SLC4A10: variants seen among roughly 807,000 people sequenced by gnomAD.
SLC4A10 encodes the protein solute carrier family 4 member 10.
A neutral mutation model predicts 137.7 loss-of-function variants in SLC4A10; 42 were observed. That is an observed-to-expected ratio of 0.30 (90% CI 0.24 to 0.39). The LOEUF is 0.39. Ranked by LOEUF, SLC4A10 falls within the 10% of genes least tolerant of loss-of-function variation. The pLI is 1.00. For missense variants in SLC4A10, 925 were observed against 1,355.0 expected, an observed-to-expected ratio of 0.68 and a Z score of 4.98; for synonymous variants, 474 against 464.1, an observed-to-expected ratio of 1.02 and a Z score of -0.27.
intron 23 of SLC4A10, among the ~76,000 whole-genome samples, chr2:161,968,162 T>A (rs1001201143): frequency 6.6e-6 from 1 of 152,218 alleles, no homozygotes; most frequent in Non-Finnish European, 1.5e-5. Flanking sequence ...AGATTCTCCT[T>A]TTATTTTCTG....
chr2:161,630,895 A>T (rs572026142), intron 1 of SLC4A10, among the ~76,000 whole-genome samples: 2 of 149,616 alleles, frequency 1.3e-5, no homozygotes, highest in African/African-American at 5.1e-5. Context: ...ATTTGAAAAT[A>T]TTTTTTTAGT....
intron 1 of SLC4A10, among the ~76,000 whole-genome samples, chr2:161,718,233 T>A (rs912156718): frequency 1.6e-4 from 24 of 152,274 alleles, no homozygotes; most frequent in East Asian, 3.9e-4. Flanking sequence ...ATTAATTTTT[T>A]AAAAAAATCA....
intron 15 of SLC4A10, among the ~76,000 whole-genome samples, chr2:161,924,480 C>T (rs1409728140): frequency 6.6e-6 from 1 of 151,966 alleles, no homozygotes; most frequent in Non-Finnish European, 1.5e-5. Context: ...TACATGATAT[C>T]TGTGATTTTA....
intron 16 of SLC4A10, among the ~76,000 whole-genome samples, 178 bp from the exon 17 acceptor site, chr2:161,947,388 C>T (rs1559601929): frequency 2.0e-5 from 3 of 152,074 alleles, no homozygotes; most frequent in African/African-American, 7.2e-5. Context: ...GCATATTTCT[C>T]ACCACCCATC....
intron 9 of SLC4A10, among the ~76,000 whole-genome samples, chr2:161,880,159 G>A (rs1001430855): frequency 2.0e-5 from 3 of 152,032 alleles, no homozygotes; most frequent in African/African-American, 7.2e-5. Context: ...AGCAAAACAT[G>A]TATATTTAGG....
At chr2:161,671,227 A>G (rs1298696969) in intron 1 of SLC4A10, among the ~76,000 whole-genome samples, 1 of 152,098 alleles carries the variant, frequency 6.6e-6, no homozygotes, top group Non-Finnish European at 1.5e-5. Flanking sequence ...CAACTCTTCC[A>G]CCATATGAGG....
At chr2:161,632,796 A>G (rs1042983027) in intron 1 of SLC4A10, among the ~76,000 whole-genome samples, 13 of 151,760 alleles carry the variant, frequency 8.6e-5, no homozygotes, top group African/African-American at 3.1e-4. Context: ...TGTACATTAA[A>G]GCTTGAGAAT....
intron 1 of SLC4A10, among the ~76,000 whole-genome samples, chr2:161,732,250 C>A (rs2046898894): frequency 6.6e-6 from 1 of 152,180 alleles, no homozygotes; most frequent in African/African-American, 2.4e-5. Flanking sequence ...GGGGGTGGAG[C>A]TGAAAGTCCA....
At chr2:161,794,288 A>G (rs2054525986) in intron 2 of SLC4A10, among the ~76,000 whole-genome samples, 1 of 152,338 alleles carries the variant, frequency 6.6e-6, no homozygotes, top group East Asian at 1.9e-4. Context: ...GCCAATAAAT[A>G]GGTTCTAGAT....
At chr2:161,628,016 G>A (rs2032789418) in intron 1 of SLC4A10, among the ~76,000 whole-genome samples, 1 of 152,062 alleles carries the variant, frequency 6.6e-6, no homozygotes, top group South Asian at 2.1e-4. Context: ...TTTTTGATAT[G>A]GATATATATG....
intron 3 of SLC4A10, among the ~76,000 whole-genome samples, chr2:161,807,338 AG>A (rs754344687): frequency 1.3e-5 from 2 of 152,162 alleles, no homozygotes; most frequent in Non-Finnish European, 2.9e-5. Flanking sequence ...AGTTGTTAAA[AG>A]GTTCTGAATG....
chr2:161,836,617 TGAAAGAAAA>T (rs1383514446), intron 3 of SLC4A10, among the ~76,000 whole-genome samples: 1 of 100,068 alleles, frequency 1.0e-5, no homozygotes, highest in South Asian at 3.2e-4. Context: ...AGGAAAGAAA[TGAAAGAAAA>T]GAAAGAAAAG....
At chr2:161,915,246 C>T (rs749081533) in intron 15 of SLC4A10, among the ~76,000 whole-genome samples, 38 of 152,164 alleles carry the variant, frequency 2.5e-4, no homozygotes, top group Non-Finnish European at 4.9e-4. Context: ...GCAACCTGCC[C>T]TTCCTGTCCC....
intron 1 of SLC4A10, among the ~76,000 whole-genome samples, chr2:161,692,978 A>G (rs1293174110): frequency 6.6e-6 from 1 of 151,884 alleles, no homozygotes; most frequent in African/African-American, 2.4e-5. Flanking sequence ...GCAGTTATTT[A>G]TTTTCAGGTT....
chr2:161,805,309 C>T (rs1346384836), intron 3 of SLC4A10, among the ~76,000 whole-genome samples: 5 of 152,176 alleles, frequency 3.3e-5, no homozygotes, highest in Non-Finnish European at 7.3e-5. Flanking sequence ...TGGGTGAGGA[C>T]ACAGCCAAAC....
intron 1 of SLC4A10, among the ~76,000 whole-genome samples, chr2:161,720,450 G>T (rs2045525298): frequency 6.6e-6 from 1 of 152,152 alleles, no homozygotes; most frequent in African/African-American, 2.4e-5. Flanking sequence ...TTGGTAGCTT[G>T]ATGGGGATGG....
rs79671930 is a variant in SLC4A10 at position 161,694,710 on chromosome 2, A to T, written c.48+70144A>T. ...AGTTGCTAGTTGGCTGAATTAATTTAAAACAGGCTTTAAACCTTAACCCAA... is the reference window on the plus strand; with the variant it reads ...AGTTGCTAGTTGGCTGAATTAATTTTAAACAGGCTTTAAACCTTAACCCAA... On this transcript the variant is annotated intron_variant, in intron 1 of 26. Transcript: ENST00000446997. Among the ~76,000 whole-genome samples, 153 of 152,176 alleles carry T rather than the reference A, an allele frequency of 1.0e-3. 3 individuals are homozygous for T. The East Asian group carries it at 0.022, about 22-fold the overall frequency.
At chr2:161,809,590 A>T (rs925709173) in intron 3 of SLC4A10, among the ~76,000 whole-genome samples, 2 of 152,116 alleles carry the variant, frequency 1.3e-5, no homozygotes, top group Admixed American at 6.6e-5. Flanking sequence ...ATTATTTTGC[A>T]TATGGCTTGA....
intron 7 of SLC4A10, among the ~76,000 whole-genome samples, chr2:161,873,159 C>G (rs62188769): frequency 0.061 from 9,242 of 152,182 alleles, 371 homozygotes; most frequent in East Asian, 0.13. Context: ...CCTAGAAGGA[C>G]ACAGCAAAAC....
Sources: allele counts gnomAD v4.1 joint callset (sites outside exome capture counted in the v4.1 genomes callset), GRCh38; gene constraint gnomAD v4.1.1; transcripts MANE v1.5; gene names NCBI Gene and HGNC (gene_info 2026-07-23, HGNC 2026-07-21).